The following RAB12 variants were observed in gnomAD, a reference collection of about 807,000 sequenced individuals.
The protein encoded by RAB12 is RAB12, member RAS oncogene family, also known as ras-related protein Rab-12.
A neutral mutation model predicts 28.4 loss-of-function variants in RAB12; 11 were observed. The ratio of observed to expected loss-of-function variants is 0.39; its 90% CI spans 0.24 to 0.64. The LOEUF (loss-of-function observed/expected upper bound fraction) is 0.64. Ranked by LOEUF, RAB12 falls within the 30% of genes least tolerant of loss-of-function variation. The pLI, the probability that RAB12 is intolerant of heterozygous loss-of-function variation, is 0.50. For missense variants in RAB12, 276 were observed against 351.1 expected (o/e 0.79, Z 1.71); for synonymous variants, 138 against 145.3 (o/e 0.95, Z 0.36).
chr18:8,610,520 G>A (rs2096003205), intron 1 of RAB12, among the ~76,000 whole-genome samples: 1 of 152,362 alleles, frequency 6.6e-6, no homozygotes, highest in Non-Finnish European at 1.5e-5. Flanking sequence ...ATTTATCCAT[G>A]ACCTCAAACA....
In RAB12 at chr18:8,639,148, T is replaced by TTTTTG. The variant is rs2096020902; in HGVS notation, c.*890_*891insGTTTT. On this transcript the variant is annotated 3_prime_UTR_variant, in exon 6 of 6. Coordinates refer to ENST00000649141, the MANE Select transcript of RAB12 (RefSeq NM_001025300.3). ...TTCTGATTAAGCCTAGACTGTGTTC[T>TTTTTG]TTTTTTTTTTTTTTTTTTTTTTTTT... The TTTTTG allele has an allele frequency of 5.2e-5, 3 of 57,524 alleles. No homozygotes were observed. Among genetic ancestry groups the TTTTTG allele is most frequent in the South Asian group, 7.5e-4 (1 of 1,336 alleles). 3.6% of individuals were successfully genotyped at this position (57,524 alleles called of 1,614,324 possible).
At chr18:8,618,602 C>G (rs759515788) in intron 1 of RAB12, among the ~76,000 whole-genome samples, 5 of 152,086 alleles carry the variant, frequency 3.3e-5, no homozygotes, top group African/African-American at 1.2e-4. Context: ...CTCCGCCTCC[C>G]GGGTTCACGC....
chr18:8,620,118 CCTTCTTTTTTTTTTCTT>C (rs1224580412), intron 1 of RAB12, among the ~76,000 whole-genome samples: 3 of 107,556 alleles, frequency 2.8e-5, no homozygotes, highest in Admixed American at 1.0e-4. Flanking sequence ...GGTGACAAAG[CCTTCTTTTTTTTTTCTT>C]CTTCTTTTTT....
rs538361037 is a variant in RAB12 at position 8,627,267 on chromosome 18, C to T, written c.575+2269C>T. Among the ~76,000 whole-genome samples, 9 of 152,306 alleles carry T rather than the reference C, an allele frequency of 5.9e-5. No homozygotes were observed. The South Asian group carries it at 6.2e-4, about 11-fold the overall frequency. The stretch of plus-strand genomic sequence containing the variant: ...TAGAAGGCGCCTGTGTAGCTGGAAA[C>T]GGTCCCTCAAGGAGGCGCAGTGGAT... On this transcript the variant is annotated intron_variant, in intron 2 of 5. Transcript: ENST00000649141.
In RAB12 at chr18:8,638,427, G is replaced by A; in HGVS notation, c.*165G>A. 1.7e-6 allele frequency: 1 copy of A among 585,298 alleles called. No individual in the cohort carries two copies. Among genetic ancestry groups the A allele is most frequent in the Non-Finnish European group, 3.0e-6 (1 of 328,414 alleles). The allele number at this position is 585,298 out of a possible 1,614,324, so 36.3% of individuals were successfully genotyped here. A position where few individuals can be genotyped will look rare whatever the true frequency, so the allele number is the denominator to read the frequency against. On this transcript the variant is annotated 3_prime_UTR_variant, in exon 6 of 6. Transcript: ENST00000649141. ...TATATGCAATCCTGGGTAAGTTTTG[G>A]TTATAAGTTACCTATTTCCCTCCAA...
In RAB12 at chr18:8,623,684, C is replaced by A. The variant is rs537141359; in HGVS notation, c.515-1254C>A. Among the ~76,000 whole-genome samples, 4 of 152,352 alleles carry A rather than the reference C, an allele frequency of 2.6e-5. No homozygotes were observed. In the East Asian group the frequency reaches 7.7e-4, roughly 29 times the overall value. Reference sequence around the variant, plus strand: ...TTTGACTTTGGAAAGCAAATCATTTCCAGAACTGAAAGTGAAATTGAATTA... The same window carrying A: ...TTTGACTTTGGAAAGCAAATCATTTACAGAACTGAAAGTGAAATTGAATTA... On this transcript the variant is annotated intron_variant, in intron 1 of 5. Transcript: ENST00000649141.
chr18:8,623,202 G>C (rs1368949413), intron 1 of RAB12, among the ~76,000 whole-genome samples: 1 of 152,200 alleles, frequency 6.6e-6, no homozygotes, highest in African/African-American at 2.4e-5. Flanking sequence ...GAAGTGATAA[G>C]TGTCGATGGA....
intron 1 of RAB12, among the ~76,000 whole-genome samples, chr18:8,613,866 A>AGTG (rs762169604): frequency 2.7e-5 from 4 of 149,516 alleles, no homozygotes; most frequent in Admixed American, 1.3e-4. Flanking sequence ...TAGTAGTAGT[A>AGTG]GTGGTCACTG....
chr18:8,634,653 C>A (rs1223501015), intron 3 of RAB12, among the ~76,000 whole-genome samples: 1 of 151,944 alleles, frequency 6.6e-6, no homozygotes, highest in Non-Finnish European at 1.5e-5. Flanking sequence ...CTGCTTTTCA[C>A]CTTACTTGAG....
Position 8,636,357 on chromosome 18 carries a change from G to T in RAB12, c.909G>T (p.Lys303Asn). 6.4e-7 allele frequency: 1 copy of T among 1,556,180 alleles called. No individual in the cohort carries two copies. The highest frequency in any genetic ancestry group is 1.2e-5 in the South Asian group (1 of 86,636). ...AACTTGTCGATGACATTCTGAAAAA[G>T]GTAAAAAAAAGAATCTACATTATAA... Reference protein sequence around the residue: ...FLKLVDDILKKMPLDILRNEL... With the variant: ...FLKLVDDILKNMPLDILRNEL... The change falls in exon 5 of 6, where the codon AAG (lysine) becomes AAT (asparagine). Residue 303 changes from lysine to asparagine, a missense_variant and splice_region_variant. Physicochemically the swap from Lys to Asn is moderately conservative, Grantham distance 94. Coordinates refer to ENST00000649141, the MANE Select transcript of RAB12 (RefSeq NM_001025300.3).
In RAB12 at chr18:8,633,195, A is replaced by G. The variant is rs755624146; in HGVS notation, c.582A>G (p.Thr194=). 6.2e-7 allele frequency: 1 copy of G among 1,614,174 alleles called. No individual in the cohort carries two copies. The highest frequency in any genetic ancestry group is 1.1e-5 in the South Asian group (1 of 91,068). ...GKKIRLQIWD[T]AGQERFNSIT... ...TTTGGCTGCTTTTTCTTAGGGACACAGCAGGTCAGGAGAGATTCAACAGCA... is the reference window on the plus strand; with the variant it reads ...TTTGGCTGCTTTTTCTTAGGGACACGGCAGGTCAGGAGAGATTCAACAGCA... The change falls in exon 3 of 6, where the codon ACA becomes ACG. Residue 194 remains threonine (T), a synonymous_variant. Transcript: ENST00000649141.
chr18:8,620,227 T>C (rs2096009144), intron 1 of RAB12, among the ~76,000 whole-genome samples: 1 of 148,078 alleles, frequency 6.8e-6, no homozygotes, highest in African/African-American at 2.5e-5. Context: ...ACTGTATCTC[T>C]GTAGCCTGCG....
At chr18:8,624,800 T>G in intron 1 of RAB12, 138 bp from the exon 2 acceptor site, 1 of 629,498 alleles carries the variant, frequency 1.6e-6, no homozygotes, top group Non-Finnish European at 2.8e-6. Context: ...CTGCTTTTCC[T>G]TGGAATTAAG....
At chr18:8,631,741 C>G (rs2148710940) in intron 2 of RAB12, among the ~76,000 whole-genome samples, 1 of 152,206 alleles carries the variant, frequency 6.6e-6, no homozygotes, top group South Asian at 2.1e-4. Context: ...TATTAAATTT[C>G]CTTGTACCCT....
intron 1 of RAB12, among the ~76,000 whole-genome samples, chr18:8,622,720 G>A (rs574743611): frequency 3.9e-5 from 6 of 152,136 alleles, no homozygotes; most frequent in Non-Finnish European, 8.8e-5. Context: ...TATTAGGTGG[G>A]AATTTCCTCT....
chr18:8,620,139 C>CTTCTTCTTTTTT (rs2096009003), intron 1 of RAB12, among the ~76,000 whole-genome samples: 1 of 53,950 alleles, frequency 1.9e-5, no homozygotes, highest in Non-Finnish European at 3.1e-5. Context: ...TTTTCTTCTT[C>CTTCTTCTTTTTT]TTTTTTTTTT....
intron 1 of RAB12, among the ~76,000 whole-genome samples, chr18:8,622,888 G>T (rs576203404): frequency 6.6e-6 from 1 of 152,286 alleles, no homozygotes; most frequent in South Asian, 2.1e-4. Flanking sequence ...CTGAGAAAAA[G>T]AATTCAGCGA....
intron 1 of RAB12, among the ~76,000 whole-genome samples, chr18:8,617,449 A>G (rs1260575390): frequency 2.0e-5 from 3 of 150,038 alleles, no homozygotes; most frequent in East Asian, 1.9e-4. Flanking sequence ...CTGTTTGATC[A>G]TGGTTTTTTT....
At chr18:8,637,574 CT>C (rs970959365) in intron 5 of RAB12, among the ~76,000 whole-genome samples, 51 of 151,938 alleles carry the variant, frequency 3.4e-4, no homozygotes, top group African/African-American at 9.9e-4. Context: ...AATAATAATA[CT>C]TTTTTTTATA....
Sources: allele counts gnomAD v4.1 joint callset (sites outside exome capture counted in the v4.1 genomes callset), GRCh38; gene constraint gnomAD v4.1.1; transcripts MANE v1.5; gene names NCBI Gene and HGNC (gene_info 2026-07-23, HGNC 2026-07-21).